The following CCSER1 variants were observed in gnomAD, a reference collection of about 807,000 sequenced individuals.
CCSER1 encodes coiled-coil serine rich protein 1.
In CCSER1, 41 loss-of-function variants were observed where a neutral mutation model predicts 82.0. The observed-to-expected ratio is 0.50, with a 90% CI of 0.39 to 0.65. The LOEUF (loss-of-function observed/expected upper bound fraction) is 0.65. CCSER1 is among the 30% of genes least tolerant of loss of function. The probability of loss-of-function intolerance (pLI) is 0.00; values close to 1 mark genes in which losing one functional copy is unlikely to be tolerated. For missense variants in CCSER1, 1,119 were observed against 1,064.2 expected, an observed-to-expected ratio of 1.05 and a Z score of -0.72; for synonymous variants, 414 against 383.9, an observed-to-expected ratio of 1.08 and a Z score of -0.92.
intron 3 of CCSER1, among the ~76,000 whole-genome samples, chr4:90,375,831 G>C (rs2153528291): frequency 6.6e-6 from 1 of 152,274 alleles, no homozygotes; most frequent in African/African-American, 2.4e-5. Context: ...ATAAATGCAA[G>C]TTGGACTGAT....
chr4:90,201,015 A>C (rs908549398), intron 1 of CCSER1, among the ~76,000 whole-genome samples: 2 of 152,160 alleles, frequency 1.3e-5, no homozygotes, highest in African/African-American at 4.8e-5. Flanking sequence ...GAAAGCTTTC[A>C]AAATAGAGTC....
intron 9 of CCSER1, among the ~76,000 whole-genome samples, chr4:91,028,788 T>C (rs1329568158): frequency 3.3e-5 from 5 of 151,984 alleles, no homozygotes; most frequent in Admixed American, 2.0e-4. Flanking sequence ...CTGAAAAAAT[T>C]AAATTGTTGG....
intron 10 of CCSER1, among the ~76,000 whole-genome samples, chr4:91,564,358 C>T (rs1288819995): frequency 6.6e-6 from 1 of 151,768 alleles, no homozygotes; most frequent in Non-Finnish European, 1.5e-5. Flanking sequence ...TGAACATACC[C>T]GTACATGTGT....
At chr4:91,439,442 G>C (rs183889439) in intron 10 of CCSER1, among the ~76,000 whole-genome samples, 3 of 152,074 alleles carry the variant, frequency 2.0e-5, no homozygotes, top group Middle Eastern at 6.8e-3. Context: ...GAGAGACTTT[G>C]TCACCACCAG....
intron 6 of CCSER1, among the ~76,000 whole-genome samples, chr4:90,703,525 C>A (rs1479973691): frequency 6.6e-6 from 1 of 152,056 alleles, no homozygotes; most frequent in East Asian, 1.9e-4. Context: ...TCCTGGATAT[C>A]CTTGTTAACT....
chr4:91,152,463 T>A (rs530436884), intron 10 of CCSER1, among the ~76,000 whole-genome samples: 58 of 152,326 alleles, frequency 3.8e-4, no homozygotes, highest in Non-Finnish European at 6.8e-4. Context: ...ATGTTTATCT[T>A]TATCTTTCTC....
chr4:90,667,662 G>A (rs900128371), intron 6 of CCSER1, among the ~76,000 whole-genome samples: 2 of 152,094 alleles, frequency 1.3e-5, no homozygotes, highest in African/African-American at 4.8e-5. Flanking sequence ...TCCCTGCAAA[G>A]AACATGAACC....
intron 10 of CCSER1, among the ~76,000 whole-genome samples, chr4:91,508,685 TTTC>T (rs1490337177): frequency 1.3e-5 from 2 of 151,980 alleles, no homozygotes; most frequent in East Asian, 1.9e-4. Flanking sequence ...ATTGCTATTA[TTTC>T]TTCTTAGAAT....
chr4:91,296,286 C>T (rs1047582885), intron 10 of CCSER1, among the ~76,000 whole-genome samples: 1 of 151,104 alleles, frequency 6.6e-6, no homozygotes, highest in African/African-American at 2.4e-5. Context: ...CCATAGAACA[C>T]CACTCCCTTA....
intron 10 of CCSER1, among the ~76,000 whole-genome samples, chr4:91,409,968 C>T (rs1427324642): frequency 1.3e-5 from 2 of 152,156 alleles, no homozygotes; most frequent in South Asian, 2.1e-4. Flanking sequence ...TCTCTAGATT[C>T]GTGCAAAATA....
chr4:91,122,735 T>A (rs1220579497), intron 10 of CCSER1, among the ~76,000 whole-genome samples: 1 of 151,756 alleles, frequency 6.6e-6, no homozygotes, highest in Non-Finnish European at 1.5e-5. Flanking sequence ...CTTTTTCTAA[T>A]GCCTGCCCTT....
chr4:91,316,358 G>A (rs1247054913), intron 10 of CCSER1, among the ~76,000 whole-genome samples: 1 of 151,930 alleles, frequency 6.6e-6, no homozygotes. Flanking sequence ...ATTACTATCA[G>A]TCTTTCTTAG....
At chr4:90,442,094 T>C (rs558609220) in intron 4 of CCSER1, among the ~76,000 whole-genome samples, 6 of 152,332 alleles carry the variant, frequency 3.9e-5, no homozygotes, top group African/African-American at 1.4e-4. Context: ...AGTTTTTTTT[T>C]AGTAACAAGG....
chr4:91,391,994 CAT>C (rs533077046), intron 10 of CCSER1, among the ~76,000 whole-genome samples: 54 of 151,982 alleles, frequency 3.6e-4, no homozygotes, highest in African/African-American at 1.3e-3. Context: ...CATATATAGA[CAT>C]ATAGACATAT....
At chr4:90,149,767 T>G (rs1326557346) in intron 1 of CCSER1, among the ~76,000 whole-genome samples, 1 of 152,114 alleles carries the variant, frequency 6.6e-6, no homozygotes, top group Non-Finnish European at 1.5e-5. Context: ...GCTCTTGAAC[T>G]TTGCTTAAGA....
chr4:90,444,239 G>A (rs1430035136), intron 4 of CCSER1, among the ~76,000 whole-genome samples: 1 of 151,992 alleles, frequency 6.6e-6, no homozygotes, highest in South Asian at 2.1e-4. Context: ...TCCATAACAC[G>A]ATATAGTACT....
rs569925241 is a variant in CCSER1 at position 90,188,272 on chromosome 4, G to C, written c.-42+60441G>C. Among the ~76,000 whole-genome samples, 4 of 151,868 alleles carry C rather than the reference G, an allele frequency of 2.6e-5. No individual in the cohort carries two copies. In the South Asian group the frequency reaches 8.3e-4, roughly 32 times the overall value. ...TTTATTTAAGTTCAACATTGAGATA[G>C]TGGAGTTAAAGGATTTTTTAAAAAA... On this transcript the variant is annotated intron_variant, in intron 1 of 10. Coordinates refer to ENST00000509176, the MANE Select transcript of CCSER1 (RefSeq NM_001145065.2).
In CCSER1 at chr4:91,584,051, AAATT is replaced by A. The variant is rs113848544; in HGVS notation, c.2218-14518_2218-14515del. Among the ~76,000 whole-genome samples, 838 of 151,630 alleles carry A rather than the reference AAATT, an allele frequency of 5.5e-3. 8 individuals are homozygous for A. The highest frequency in any genetic ancestry group is 0.019 in the African/African-American group (781 of 41,476). ...AAAATTGTCTGAGATATTATATAGTAAATTAAAATTATTTTTAAAAAGTAGGTAC... is the reference window on the plus strand; with the variant it reads ...AAAATTGTCTGAGATATTATATAGTAAAAATTATTTTTAAAAAGTAGGTAC... On this transcript the variant is annotated intron_variant, in intron 10 of 10. Coordinates refer to ENST00000509176, the MANE Select transcript of CCSER1 (RefSeq NM_001145065.2).
chr4:91,427,631 T>C (rs1383603895), intron 10 of CCSER1, among the ~76,000 whole-genome samples: 2 of 152,148 alleles, frequency 1.3e-5, no homozygotes, highest in African/African-American at 4.8e-5. Flanking sequence ...GAAACTGAGA[T>C]GAAAATAATC....
Sources: allele counts gnomAD v4.1 joint callset (sites outside exome capture counted in the v4.1 genomes callset), GRCh38; gene constraint gnomAD v4.1.1; transcripts MANE v1.5; gene names NCBI Gene and HGNC (gene_info 2026-07-23, HGNC 2026-07-21).